The following HSPA4L variants were observed in gnomAD, a reference collection of about 807,000 sequenced individuals.
HSPA4L encodes heat shock 70 kDa protein 4L.
Under a neutral mutation model 100.3 loss-of-function variants are expected in HSPA4L, and 48 were observed. That is an observed-to-expected ratio of 0.48 (90% CI 0.38 to 0.61). HSPA4L has a LOEUF of 0.61. Among genes scored for constraint, HSPA4L ranks in the 20% least tolerant of loss-of-function variants. The pLI is 0.00. For missense variants in HSPA4L, 886 were observed against 988.6 expected (o/e 0.90, Z 1.39); for synonymous variants, 319 against 328.2 (o/e 0.97, Z 0.30).
intron 14 of HSPA4L, 74 bp from the exon 15 acceptor site, chr4:127,822,695 G>T (rs566932833): frequency 5.2e-5 from 72 of 1,371,790 alleles, no homozygotes; most frequent in Non-Finnish European, 6.3e-5. Flanking sequence ...AGTGTGAAGT[G>T]GTATCTTGTG....
intron 4 of HSPA4L, among the ~76,000 whole-genome samples, chr4:127,799,284 AT>A (rs970567219): frequency 1.3e-5 from 2 of 151,888 alleles, no homozygotes; most frequent in Admixed American, 6.6e-5. Context: ...TTAGTAATCA[AT>A]TTTTTTTCAT....
At chr4:127,795,166 A>G (rs1297683287) in intron 2 of HSPA4L, among the ~76,000 whole-genome samples, 1 of 152,174 alleles carries the variant, frequency 6.6e-6, no homozygotes, top group East Asian at 1.9e-4. Flanking sequence ...AAATTAAAAC[A>G]CAGAAATGGA....
At chr4:127,797,961 T>C (rs1043579892) in intron 3 of HSPA4L, among the ~76,000 whole-genome samples, 2 of 152,196 alleles carry the variant, frequency 1.3e-5, no homozygotes, top group African/African-American at 4.8e-5. Flanking sequence ...CTCTTATTTC[T>C]GTTTGCTTGA....
At chr4:127,832,475 TCAATAATTTTTGACTGCCA>T (rs1226725237) in intron 18 of HSPA4L, among the ~76,000 whole-genome samples, 189 bp from the exon 19 acceptor site, 1 of 152,178 alleles carries the variant, frequency 6.6e-6, no homozygotes, top group Admixed American at 6.5e-5. Context: ...TGTTTAAGAT[TCAATAATTTTTGACTGCCA>T]CAGACATATA....
At chr4:127,802,095 T>C (rs1733205296) in intron 6 of HSPA4L, among the ~76,000 whole-genome samples, 177 bp downstream of exon 6, 1 of 152,206 alleles carries the variant, frequency 6.6e-6, no homozygotes, top group Non-Finnish European at 1.5e-5. Context: ...CTACCTCATA[T>C]AATTTTTCAG....
At position 127,834,516 on chromosome 4, in the gene HSPA4L, A is replaced by C. The variant is rs1041272748; in HGVS notation, c.*1642A>C. 6.6e-6 allele frequency: 1 copy of C among 152,164 alleles called. No individual in the cohort carries two copies. Among genetic ancestry groups the C allele is most frequent in the Non-Finnish European group, 1.5e-5 (1 of 68,010 alleles). The allele number at this position is 152,164 out of a possible 1,614,324, so 9.4% of individuals were successfully genotyped here. A position where few individuals can be genotyped will look rare whatever the true frequency, so the allele number is the denominator to read the frequency against. ...GAAGAATCTCTTTTTTGCATTAAAAAATCATATAAACTTAATATATTTTTA... is the reference window on the plus strand; with the variant it reads ...GAAGAATCTCTTTTTTGCATTAAAACATCATATAAACTTAATATATTTTTA... On this transcript the variant is annotated 3_prime_UTR_variant, in exon 19 of 19. Coordinates refer to ENST00000296464, the MANE Select transcript of HSPA4L (RefSeq NM_014278.4).
At chr4:127,822,575 G>A (rs568019583) in intron 14 of HSPA4L, among the ~76,000 whole-genome samples, 194 bp from the exon 15 acceptor site, 3 of 152,226 alleles carry the variant, frequency 2.0e-5, no homozygotes, top group Non-Finnish European at 4.4e-5. Context: ...CAGCCAAAAC[G>A]TTTTCCATGG....
At position 127,839,447 on chromosome 4, in the gene HSPA4L, G is replaced by A. The variant is rs1368213967; in HGVS notation, c.*6573G>A. 1 of 152,244 alleles carries A rather than the reference G, an allele frequency of 6.6e-6. No individual in the cohort carries two copies. Among genetic ancestry groups the A allele is most frequent in the African/African-American group, 2.4e-5 (1 of 41,428 alleles). 9.4% of individuals were successfully genotyped at this position (152,244 alleles called of 1,614,324 possible). A position where few individuals can be genotyped will look rare whatever the true frequency, so the allele number is the denominator to read the frequency against. On this transcript the variant is annotated 3_prime_UTR_variant, in exon 19 of 19. Transcript: ENST00000296464. The stretch of plus-strand genomic sequence containing the variant: ...ACTAAAAATACAAAAAATTAGCTGG[G>A]TGTGGTGGTGTGTGCCTGTAGTCCC...
At position 127,805,198 on chromosome 4, in the gene HSPA4L, G is replaced by T; in HGVS notation, c.1111G>T (p.Ala371Ser). 1 of 1,609,330 alleles carries T rather than the reference G, an allele frequency of 6.2e-7. No homozygotes were observed. The highest frequency in any genetic ancestry group is 2.2e-5 in the East Asian group (1 of 44,754). The stretch of plus-strand genomic sequence containing the variant: ...AAGTACCACATTAAATGCTGATGAA[G>T]CTGTTGCAAGAGGATGTGCGTTACA... ...DISTTLNADE[A>S]VARGCALQCA... Residue 371 changes from alanine to serine, a missense_variant, in exon 9 of 19, where the codon GCT becomes TCT. Ala to Ser is a moderately conservative substitution (Grantham distance 99). Transcript: ENST00000296464.
chr4:127,782,505 CGTACCGA>C lies in HSPA4L; in HGVS notation c.-45_-39del. The C allele has an allele frequency of 1.4e-6, 2 of 1,476,740 alleles. No homozygotes were observed. Among genetic ancestry groups the C allele is most frequent in the Non-Finnish European group, 1.9e-6 (2 of 1,055,708 alleles). 91.5% of individuals were successfully genotyped at this position (1,476,740 alleles called of 1,614,324 possible). ...ATAGCCCAGAAGAGGACACGGTTCC[CGTACCGA>C]AGGGTTCAGTACCAGCAGCCCGACC... On this transcript the variant is annotated 5_prime_UTR_variant, in exon 1 of 19. Coordinates refer to ENST00000296464, the MANE Select transcript of HSPA4L (RefSeq NM_014278.4).
intron 16 of HSPA4L, among the ~76,000 whole-genome samples, chr4:127,826,303 G>A (rs1292326739): frequency 6.6e-6 from 1 of 152,062 alleles, no homozygotes; most frequent in Non-Finnish European, 1.5e-5. Flanking sequence ...TTGGGAGGCT[G>A]AGGCAGAAGG....
chr4:127,787,056 A>G (rs1239458795), intron 1 of HSPA4L, among the ~76,000 whole-genome samples: 2 of 152,208 alleles, frequency 1.3e-5, no homozygotes, highest in Non-Finnish European at 2.9e-5. Context: ...AAAATTCTTT[A>G]TGATTCTTCA....
chr4:127,803,528 G>T, intron 6 of HSPA4L, 101 bp from the exon 7 acceptor site: 2 of 1,215,794 alleles, frequency 1.6e-6, no homozygotes. Flanking sequence ...TTTTTTTAGC[G>T]TCATTTTTAT....
rs1733088826 is a variant in HSPA4L, at chr4:127,798,618, C to T, written c.338C>T (p.Ala113Val). ...TACTTAGAGGAAGAGAGACCTTTTG[C>T]AATTGAGCAAGTTACTGGAATGCTG... is the stretch of plus-strand genomic sequence containing the variant. The part of the protein sequence containing the change: ...VRYLEEERPF[A>V]IEQVTGMLLA... The change falls in exon 4 of 19, where the codon GCA becomes GTA. Residue 113 changes from alanine to valine, a missense_variant. Physicochemically the swap from Ala to Val is moderately conservative, Grantham distance 64. Transcript: ENST00000296464. 2 of 1,613,460 alleles carry T rather than the reference C, an allele frequency of 1.2e-6. No individual in the cohort carries two copies. The highest frequency in any genetic ancestry group is 2.7e-5 in the African/African-American group (2 of 74,868).
At position 127,839,666 on chromosome 4, in the gene HSPA4L, C is replaced by T. The variant is rs1456735528; in HGVS notation, c.*6792C>T. The T allele has an allele frequency of 6.7e-6, 1 of 150,358 alleles. No individual in the cohort carries two copies. The highest frequency in any genetic ancestry group is 1.5e-5 in the Non-Finnish European group (1 of 67,772). 9.3% of individuals were successfully genotyped at this position (150,358 alleles called of 1,614,324 possible). ...TGAGATCCTGCCACTGCACTCCAACCTGGGGGTAACAGAGCGAGACTCTGT... is the reference window on the plus strand; with the variant it reads ...TGAGATCCTGCCACTGCACTCCAACTTGGGGGTAACAGAGCGAGACTCTGT... On this transcript the variant is annotated 3_prime_UTR_variant, in exon 19 of 19. Transcript: ENST00000296464.
chr4:127,783,562 A>C, intron 1 of HSPA4L: 1 of 1,524,716 alleles, frequency 6.6e-7, no homozygotes, highest in Non-Finnish European at 8.8e-7. Flanking sequence ...TTTGTTGGCA[A>C]GGAATATAAT....
At chr4:127,825,680 C>T (rs1013875211) in intron 16 of HSPA4L, among the ~76,000 whole-genome samples, 1 of 151,806 alleles carries the variant, frequency 6.6e-6, no homozygotes, top group Non-Finnish European at 1.5e-5. Context: ...TCCCAGTGGC[C>T]CAAAGTGGCA....
intron 4 of HSPA4L, among the ~76,000 whole-genome samples, chr4:127,799,163 A>G (rs1406094904): frequency 6.6e-6 from 1 of 152,114 alleles, no homozygotes; most frequent in Non-Finnish European, 1.5e-5. Flanking sequence ...CTGGTTCTTT[A>G]CCTACATGTT....
chr4:127,799,644 T>C (rs2148782865), intron 4 of HSPA4L, among the ~76,000 whole-genome samples: 1 of 152,330 alleles, frequency 6.6e-6, no homozygotes, highest in South Asian at 2.1e-4. Flanking sequence ...TCGTCTTAAA[T>C]TCAAATCCAT....
Sources: gnomAD v4.1 joint callset for allele counts (sites outside exome capture counted in the v4.1 genomes callset) on GRCh38, gnomAD v4.1.1 for gene constraint, MANE v1.5 for transcripts, NCBI Gene and HGNC (gene_info 2026-07-23, HGNC 2026-07-21) for gene names.